FBXO9: variants seen among roughly 807,000 people sequenced by gnomAD.
FBXO9 encodes F-box protein 9, also known as F-box only protein 9.
Under a neutral mutation model 63.7 loss-of-function variants are expected in FBXO9, and 43 were observed. That is an observed-to-expected ratio of 0.67 (90% CI 0.53 to 0.87). The LOEUF (loss-of-function observed/expected upper bound fraction) is 0.87, where lower values mean the gene tolerates loss of function less well. Among genes scored for constraint, FBXO9 ranks in the 40% least tolerant of loss-of-function variants. The probability of loss-of-function intolerance (pLI) is 0.00; values close to 1 mark genes in which losing one functional copy is unlikely to be tolerated. For synonymous variants in FBXO9, 156 were observed against 171.7 expected, an observed-to-expected ratio of 0.91 and a Z score of 0.72; for missense variants, 442 against 533.2, an observed-to-expected ratio of 0.83 and a Z score of 1.68.
At chr6:53,072,652 T>G (rs1768962347) in intron 2 of FBXO9, among the ~76,000 whole-genome samples, 1 of 152,214 alleles carries the variant, frequency 6.6e-6, no homozygotes, top group South Asian at 2.1e-4. Context: ...AACAAGTTCT[T>G]TATTTCTGAA....
At chr6:53,095,706 G>A (rs766653614) in intron 12 of FBXO9, 42 bp downstream of exon 12, 1 of 1,502,544 alleles carries the variant, frequency 6.7e-7, no homozygotes, top group Non-Finnish European at 9.0e-7. Flanking sequence ...CACTATAAAT[G>A]TATACTTCGT....
chr6:53,092,663 A>G, intron 8 of FBXO9, 71 bp from the exon 9 acceptor site: 1 of 1,420,302 alleles, frequency 7.0e-7, no homozygotes, highest in South Asian at 1.2e-5. Context: ...GTTTAAAGGA[A>G]ACCACAGTAA....
In FBXO9 at chr6:53,098,519, T is replaced by C. The variant is rs1763278569; in HGVS notation, c.*689T>C. ...TATTTGGGAGGCTGATGCAGGAGAA[T>C]AGCTTAAGCCCAGGAATTTGAGTCT... On this transcript the variant is annotated 3_prime_UTR_variant, in exon 13 of 13. Transcript: ENST00000323557. 1 of 152,050 alleles carries C rather than the reference T, an allele frequency of 6.6e-6. No homozygotes were observed. Among genetic ancestry groups the C allele is most frequent in the Non-Finnish European group, 1.5e-5 (1 of 68,048 alleles). 9.4% of individuals were successfully genotyped at this position (152,050 alleles called of 1,614,324 possible). A position where few individuals can be genotyped will look rare whatever the true frequency, so the allele number is the denominator to read the frequency against.
At chr6:53,075,001 A>G (rs1431318572) in intron 3 of FBXO9, among the ~76,000 whole-genome samples, 1 of 152,202 alleles carries the variant, frequency 6.6e-6, no homozygotes, top group Non-Finnish European at 1.5e-5. Context: ...TATAGTAAGT[A>G]CATGTTTGAT....
In FBXO9 at chr6:53,093,918, G is replaced by C; in HGVS notation, c.993G>C (p.Leu331Phe). 6.4e-7 allele frequency: 1 copy of C among 1,550,756 alleles called. No homozygotes were observed. Among genetic ancestry groups the C allele is most frequent in the Non-Finnish European group, 8.7e-7 (1 of 1,147,110 alleles). Residue 331 changes from leucine (L) to phenylalanine (F), a missense_variant, in exon 11 of 13, where the codon TTG becomes TTC. Physicochemically the swap from Leu to Phe is conservative, Grantham distance 22. Around this residue, in one of 2 missense-constraint regions of FBXO9, gnomAD observed 262 missense variants for 362.1 expected, o/e 0.72. Transcript: ENST00000323557. ...CAATTCTACTGGGTCACTATCGCTT[G>C]TCACAAGACACAGACAATCAGACCA... ...TDAILLGHYR[L>F]SQDTDNQTKV...
At chr6:53,072,957 A>G (rs1768972759) in intron 2 of FBXO9, among the ~76,000 whole-genome samples, 1 of 152,192 alleles carries the variant, frequency 6.6e-6, no homozygotes, top group African/African-American at 2.4e-5. Context: ...TCCTGACCTC[A>G]GGTGATCCGT....
In FBXO9 at chr6:53,098,447, A is replaced by G. The variant is rs1763277376; in HGVS notation, c.*617A>G. The G allele has an allele frequency of 6.5e-6, 1 of 154,958 alleles. No homozygotes were observed. The highest frequency in any genetic ancestry group is 2.4e-5 in the African/African-American group (1 of 41,460). The allele number at this position is 154,958 out of a possible 1,614,324, so 9.6% of individuals were successfully genotyped here. ...TAGATAGCCAGCGGAGACTTTAAGA[A>G]TCATTGCCTCTAGCTGGGTGTGGTG... On this transcript the variant is annotated 3_prime_UTR_variant, in exon 13 of 13. Transcript: ENST00000323557.
In FBXO9 at chr6:53,100,676, G is replaced by C. The variant is rs1162506593; in HGVS notation, c.*2846G>C. 1 of 152,062 alleles carries C rather than the reference G, an allele frequency of 6.6e-6. No homozygotes were observed. The highest frequency in any genetic ancestry group is 1.9e-4 in the East Asian group (1 of 5,176). The allele number at this position is 152,062 out of a possible 1,614,324, so 9.4% of individuals were successfully genotyped here. ...ATGGTATTTATCTTTTGATTATTCT[G>C]TGCATCTATAAAAATGGGATTATAT... On this transcript the variant is annotated 3_prime_UTR_variant, in exon 13 of 13. Coordinates refer to ENST00000323557, the MANE Select transcript of FBXO9 (RefSeq NM_033480.3).
chr6:53,072,682 C>G (rs1768963168), intron 2 of FBXO9, among the ~76,000 whole-genome samples: 1 of 152,100 alleles, frequency 6.6e-6, no homozygotes, highest in East Asian at 1.9e-4. Flanking sequence ...GGGCAACACA[C>G]CAGAGTCTAC....
rs1226132282 is a variant in FBXO9, at chr6:53,065,809, G to C, written c.3+17G>C. The C allele has an allele frequency of 2.2e-6, 3 of 1,347,930 alleles. No individual in the cohort carries two copies. The highest frequency in any genetic ancestry group is 3.5e-5 in the South Asian group (2 of 57,444). The allele number at this position is 1,347,930 out of a possible 1,614,324, so 83.5% of individuals were successfully genotyped here. ...GCCAGCATGGTAACCTGGCCAGGGGGCTCGAGGGTGGACGCCGCGGGGCGG... is the reference window on the plus strand; with the variant it reads ...GCCAGCATGGTAACCTGGCCAGGGGCCTCGAGGGTGGACGCCGCGGGGCGG... On this transcript the variant is annotated intron_variant, in intron 1 of 12. Coordinates refer to ENST00000323557, the MANE Select transcript of FBXO9 (RefSeq NM_033480.3).
chr6:53,069,546 C>T (rs1253461770), intron 1 of FBXO9, among the ~76,000 whole-genome samples: 1 of 152,078 alleles, frequency 6.6e-6, no homozygotes, highest in Non-Finnish European at 1.5e-5. Context: ...AAAGAAATAG[C>T]AGAATCTAAT....
intron 1 of FBXO9, 23 bp downstream of exon 1, chr6:53,065,815 G>C (rs748196371): frequency 6.0e-6 from 8 of 1,340,194 alleles, no homozygotes; most frequent in Non-Finnish European, 7.7e-6. Context: ...GGGGGCTCGA[G>C]GGTGGACGCC....
At chr6:53,085,059 T>A (rs1205996298) in intron 7 of FBXO9, among the ~76,000 whole-genome samples, 11 of 152,176 alleles carry the variant, frequency 7.2e-5, no homozygotes, top group Non-Finnish European at 1.5e-5. Context: ...GGGATTAGAT[T>A]TTTATTGAAC....
In FBXO9 at chr6:53,093,979, G is replaced by A. The variant is rs1763128203; in HGVS notation, c.1053+1G>A. 1.3e-6 allele frequency: 2 copies of A among 1,536,618 alleles called. No homozygotes were observed. The highest frequency in any genetic ancestry group is 4.9e-5 in the East Asian group (2 of 40,746). On this transcript the variant is annotated splice_donor_variant, in intron 11 of 12. Transcript: ENST00000323557. LOFTEE classifies it high-confidence loss of function. ...TGTAATAACTAAGAAAAAAGAAGAA[G>A]TGAGTATACGAGGTGTAATTAATAG... is the stretch of plus-strand genomic sequence containing the variant.
Position 53,071,085 on chromosome 6 carries a change from A to G in FBXO9, c.32A>G (p.Asp11Gly), listed in dbSNP as rs529643861. ...GAAGCTGAGGAAGATTGTCATTCTG[A>G]TACTGTCAGAGCAGATGATGATGAA... MAEAEEDCHS[D>G]TVRADDDEEN... The change falls in exon 2 of 13, where the codon GAT becomes GGT. Residue 11 changes from aspartate to glycine, a missense_variant. This residue lies in a region of FBXO9 where 180 missense variants were observed against 171.1 expected (regional missense o/e 1.05). Transcript: ENST00000323557. 3.2e-6 allele frequency: 5 copies of G among 1,575,516 alleles called. No homozygotes were observed. The Admixed American group carries it at 5.5e-5, about 17-fold the overall frequency.
intron 1 of FBXO9, chr6:53,067,888 C>G (rs1310232711): frequency 6.6e-6 from 1 of 152,158 alleles, no homozygotes; most frequent in Non-Finnish European, 1.5e-5. Context: ...TTCTTGATCT[C>G]ATTTATTTCT....
chr6:53,083,494 CAA>C (rs1329187063), intron 7 of FBXO9, among the ~76,000 whole-genome samples: 1 of 152,106 alleles, frequency 6.6e-6, no homozygotes, highest in African/African-American at 2.4e-5. Context: ...TTCAGGGAAA[CAA>C]AAGTTTTTAA....
At chr6:53,066,255 GCACCT>G in intron 1 of FBXO9, 1 of 515,294 alleles carries the variant, frequency 1.9e-6, no homozygotes, top group Non-Finnish European at 2.5e-6. Context: ...GTCCCTGCCG[GCACCT>G]TGAGGAGCCC....
rs1763277108 is a variant in FBXO9, at chr6:53,098,424, G to A, written c.*594G>A. 1 of 156,788 alleles carries A rather than the reference G, an allele frequency of 6.4e-6. No homozygotes were observed. The highest frequency in any genetic ancestry group is 1.4e-5 in the Non-Finnish European group (1 of 70,390). The allele number at this position is 156,788 out of a possible 1,614,324, so 9.7% of individuals were successfully genotyped here. ...AACAGGATATTTAATAAGAGTCCTA[G>A]ATAGCCAGCGGAGACTTTAAGAATC... On this transcript the variant is annotated 3_prime_UTR_variant, in exon 13 of 13. Coordinates refer to ENST00000323557, the MANE Select transcript of FBXO9 (RefSeq NM_033480.3).
Sources: gnomAD v4.1 joint callset for allele counts (sites outside exome capture counted in the v4.1 genomes callset) on GRCh38, gnomAD v4.1.1 for gene constraint, gnomAD v4.1.1 regional missense constraint, MANE v1.5 for transcripts, NCBI Gene and HGNC (gene_info 2026-07-23, HGNC 2026-07-21) for gene names.